The following ZNF365 variants were observed in gnomAD, a reference collection of about 807,000 sequenced individuals.
ZNF365 encodes the protein protein ZNF365.
ZNF365 carries 22 observed loss-of-function variants against 35.0 expected under a neutral mutation model. The ratio of observed to expected loss-of-function variants is 0.63; its 90% confidence interval spans 0.45 to 0.90. ZNF365 has a LOEUF of 0.90. Among genes scored for constraint, ZNF365 ranks in the 40% least tolerant of loss-of-function variants. The pLI, the probability that ZNF365 is intolerant of heterozygous loss-of-function variation, is 0.00. For synonymous variants in ZNF365, 188 were observed against 196.2 expected (o/e 0.96, Z 0.35); for missense variants, 448 against 500.3 (o/e 0.90, Z 1.00).
intron 4 of ZNF365, among the ~76,000 whole-genome samples, chr10:62,462,210 G>C (rs571216361): frequency 9.2e-5 from 14 of 152,146 alleles, no homozygotes; most frequent in Non-Finnish European, 2.1e-4. Context: ...CACACACACA[G>C]AGGAGGCTGA....
At chr10:62,438,066 T>A (rs1401240941) in intron 3 of ZNF365, among the ~76,000 whole-genome samples, 1 of 152,204 alleles carries the variant, frequency 6.6e-6, no homozygotes, top group Non-Finnish European at 1.5e-5. Flanking sequence ...ATAGGAGCAT[T>A]TATTCACTCA....
chr10:62,471,380 A>AAG (rs1309906038), intron 4 of ZNF365, among the ~76,000 whole-genome samples: 1 of 151,884 alleles, frequency 6.6e-6, no homozygotes, highest in African/African-American at 2.4e-5. Context: ...AAAAAAAAAA[A>AAG]AAAATAGGTA....
chr10:62,447,015 T>A (rs1417418787), intron 3 of ZNF365, among the ~76,000 whole-genome samples: 2 of 152,190 alleles, frequency 1.3e-5, no homozygotes, highest in Non-Finnish European at 2.9e-5. Context: ...CATGTTCCTG[T>A]CAATTAAAAA....
intron 3 of ZNF365, among the ~76,000 whole-genome samples, chr10:62,440,175 T>C (rs1057110803): frequency 6.6e-6 from 1 of 151,422 alleles, no homozygotes; most frequent in Non-Finnish European, 1.5e-5. Flanking sequence ...TGCATAGTTT[T>C]ATTTATTTAT....
chr10:62,398,846 A>G, intron 4 of ZNF365, 69 bp downstream of exon 4: 1 of 1,431,336 alleles, frequency 7.0e-7, no homozygotes, highest in Non-Finnish European at 9.6e-7. Context: ...GTTGCATTTT[A>G]TATGAGATCG....
chr10:62,471,447 G>A (rs933713716), intron 4 of ZNF365, among the ~76,000 whole-genome samples: 10 of 151,724 alleles, frequency 6.6e-5, no homozygotes, highest in Middle Eastern at 6.8e-3. Context: ...CTTATGAAAC[G>A]GATCAATCTA....
intron 3 of ZNF365, among the ~76,000 whole-genome samples, chr10:62,408,775 T>G (rs1201952227): frequency 6.6e-6 from 1 of 152,150 alleles, no homozygotes; most frequent in Non-Finnish European, 1.5e-5. Flanking sequence ...GAGACCAAAA[T>G]ATCAGAGCTA....
chr10:62,442,604 T>G (rs768183543), intron 3 of ZNF365, among the ~76,000 whole-genome samples: 4 of 152,156 alleles, frequency 2.6e-5, no homozygotes, highest in Non-Finnish European at 5.9e-5. Flanking sequence ...AAGGTCAACT[T>G]CTAAATAATC....
intron 3 of ZNF365, among the ~76,000 whole-genome samples, chr10:62,389,478 C>T (rs1275998670): frequency 6.6e-6 from 1 of 151,196 alleles, no homozygotes; most frequent in Non-Finnish European, 1.5e-5. Context: ...AGCAAATGGG[C>T]TCTATTATAA....
At position 62,460,264 on chromosome 10, in the gene ZNF365, T is replaced by A. The variant is rs16917253; in HGVS notation, c.981+467T>A. On this transcript the variant is annotated intron_variant, in intron 4 of 4. Coordinates refer to the ZNF365 transcript ENST00000395255. ...ACTTGTCCAAGTCCCTGCAGAGATA[T>A]ATATTAATGAGTAATTCTTCAGTCC... Among the ~76,000 whole-genome samples, 1,491 of 152,332 alleles carry A rather than the reference T, an allele frequency of 9.8e-3. 29 individuals are homozygous for A. The highest frequency in any genetic ancestry group is 0.033 in the African/African-American group (1,375 of 41,578).
chr10:62,444,656 G>A (rs1411574654), intron 3 of ZNF365, among the ~76,000 whole-genome samples: 1 of 152,178 alleles, frequency 6.6e-6, no homozygotes, highest in African/African-American at 2.4e-5. Flanking sequence ...GGCCCTGGCA[G>A]TTAAACTTCT....
At chr10:62,479,688 G>T (rs1441766664) in intron 4 of ZNF365, among the ~76,000 whole-genome samples, 1 of 152,184 alleles carries the variant, frequency 6.6e-6, no homozygotes, top group East Asian at 1.9e-4. Flanking sequence ...TGCTGGAATG[G>T]TGTGACTTCT....
intron 2 of ZNF365, among the ~76,000 whole-genome samples, chr10:62,379,896 T>C (rs765712271): frequency 6.6e-6 from 1 of 152,306 alleles, no homozygotes. Context: ...CCTAGGCCCA[T>C]TTGTGAGAGA....
chr10:62,407,190 A>G (rs1839918110), downstream of ZNF365, among the ~76,000 whole-genome samples: 1 of 152,064 alleles, frequency 6.6e-6, no homozygotes, highest in African/African-American at 2.4e-5. Context: ...ACAAAAATAA[A>G]CCAAGCTGGC....
chr10:62,413,605 C>A (rs1353351333), intron 3 of ZNF365, among the ~76,000 whole-genome samples: 7 of 151,888 alleles, frequency 4.6e-5, no homozygotes, highest in African/African-American at 1.7e-4. Flanking sequence ...TAGGGTGTAC[C>A]TAACACCTCA....
At chr10:62,375,376 A>C (rs569302337) in intron 1 of ZNF365, among the ~76,000 whole-genome samples, 1 of 152,208 alleles carries the variant, frequency 6.6e-6, no homozygotes, top group South Asian at 2.1e-4. Flanking sequence ...AATCTTGGCC[A>C]TGGCCCCACT....
chr10:62,480,043 G>A lies in ZNF365; in HGVS notation c.*147G>A, dbSNP rs1841197654. On this transcript the variant is annotated 3_prime_UTR_variant, in exon 5 of 5. Transcript: ENST00000395255. ...ACTTTACAAGAAACTTGGGCTACTT[G>A]GTGACTTTACTCACCAGGAGTGGGT... 3 of 1,415,532 alleles carry A rather than the reference G, an allele frequency of 2.1e-6. No homozygotes were observed. The South Asian group carries it at 4.3e-5, about 20-fold the overall frequency. The allele number at this position is 1,415,532 out of a possible 1,614,324, so 87.7% of individuals were successfully genotyped here.
chr10:62,469,875 G>A (rs889291689), intron 4 of ZNF365, among the ~76,000 whole-genome samples: 3 of 152,136 alleles, frequency 2.0e-5, no homozygotes, highest in African/African-American at 7.2e-5. Flanking sequence ...AACTGGTGAA[G>A]CCAGAACTGG....
At chr10:62,403,540 C>T (rs1361832188), downstream of ZNF365, among the ~76,000 whole-genome samples, 4 of 152,172 alleles carry the variant, frequency 2.6e-5, no homozygotes, top group Non-Finnish European at 5.9e-5. Context: ...CGCCTGTAGT[C>T]CCAGCTACTC....
Sources: allele counts gnomAD v4.1 joint callset (sites outside exome capture counted in the v4.1 genomes callset), GRCh38; gene constraint gnomAD v4.1.1; transcripts MANE v1.5; gene names NCBI Gene and HGNC (gene_info 2026-07-23, HGNC 2026-07-21).